RGMA: variants seen among roughly 807,000 people sequenced by gnomAD.
The protein encoded by RGMA is repulsive guidance molecule A.
Under a neutral mutation model 23.2 loss-of-function variants are expected in RGMA, and 10 were observed. The ratio of observed to expected loss-of-function variants is 0.43; its 90% CI spans 0.27 to 0.73. The LOEUF (loss-of-function observed/expected upper bound fraction) is 0.73. Ranked by LOEUF, RGMA falls within the 30% of genes least tolerant of loss-of-function variation. The pLI is 0.20. For synonymous variants in RGMA, 308 were observed against 279.3 expected (o/e 1.10, Z -1.03); for missense variants, 547 against 630.5 (o/e 0.87, Z 1.42).
intron 1 of RGMA, among the ~76,000 whole-genome samples, chr15:93,078,563 C>G (rs927097504): frequency 1.3e-5 from 2 of 152,236 alleles, no homozygotes; most frequent in Non-Finnish European, 2.9e-5. Context: ...TACTTGTTCT[C>G]TCTCTCCATA....
In RGMA at chr15:93,045,829, C is replaced by T; in HGVS notation, c.646-124G>A. On this transcript the variant is annotated intron_variant, in intron 3 of 3. Coordinates refer to ENST00000329082, the MANE Select transcript of RGMA (RefSeq NM_020211.3). The surrounding 1 kb of genome is among the most constrained non-coding windows in gnomAD (Gnocchi z 6.9). ...ATCCCCAGGGATGCCCCAGACACTC[C>T]CTTCTCCAGGTTGGACAGATCAGTT... 1 of 691,282 alleles carries T rather than the reference C, an allele frequency of 1.4e-6. No homozygotes were observed. The highest frequency in any genetic ancestry group is 2.5e-6 in the Non-Finnish European group (1 of 402,742). 42.8% of individuals were successfully genotyped at this position (691,282 alleles called of 1,614,324 possible).
In RGMA at chr15:93,043,136, C is replaced by T. The variant is rs148809629; in HGVS notation, c.*1862G>A. On this transcript the variant is annotated 3_prime_UTR_variant, in exon 4 of 4. Transcript: ENST00000329082. ...CTGTTAAACTGCTGCATCTTCTATC[C>T]GCCTTCACACCATTCTCACGCACAT... is the stretch of plus-strand genomic sequence containing the variant. The T allele has an allele frequency of 1.4e-4, 21 of 152,416 alleles. No homozygotes were observed. The highest frequency in any genetic ancestry group is 4.1e-4 in the African/African-American group (17 of 41,576). The allele number at this position is 152,416 out of a possible 1,614,324, so 9.4% of individuals were successfully genotyped here. A position where few individuals can be genotyped will look rare whatever the true frequency, so the allele number is the denominator to read the frequency against.
In RGMA at chr15:93,045,669, C is replaced by G. The variant is rs1333077215; in HGVS notation, c.682G>C (p.Asp228His). Residue 228 changes from aspartate to histidine, a missense_variant, in exon 4 of 4, where the codon GAC (aspartate) becomes CAC (histidine). Around this residue, in one of 3 missense-constraint regions of RGMA, gnomAD observed 128 missense variants for 191.7 expected, o/e 0.67. Transcript: ENST00000329082. This position sits in a 1 kb window ranked among gnomAD's most constrained non-coding sequence, Gnocchi z 6.9. ...IIFKNFQECV[D>H]QKVYQAEMDE... The stretch of plus-strand genomic sequence containing the variant: ...ATCTCAGCCTGGTACACCTTCTGGT[C>G]CACACACTCCTGGAAGTTCTTGAAG... 1.2e-6 allele frequency: 2 copies of G among 1,607,222 alleles called. No homozygotes were observed. Among genetic ancestry groups the G allele is most frequent in the East Asian group, 4.5e-5 (2 of 44,868 alleles).
chr15:93,085,827 C>G (rs1205876461), intron 1 of RGMA, among the ~76,000 whole-genome samples: 1 of 152,208 alleles, frequency 6.6e-6, no homozygotes, highest in Non-Finnish European at 1.5e-5. Flanking sequence ...CACTTCTACT[C>G]ACAGGACGGA....
At chr15:93,078,524 G>A (rs1895509074) in intron 1 of RGMA, among the ~76,000 whole-genome samples, 1 of 152,194 alleles carries the variant, frequency 6.6e-6, no homozygotes, top group East Asian at 1.9e-4. Flanking sequence ...CCGTCCTGGG[G>A]TCTGGTCATC....
At chr15:93,073,211 G>A (rs2141841638) in intron 1 of RGMA, 180 bp from the exon 2 acceptor site, 1 of 1,176,540 alleles carries the variant, frequency 8.5e-7, no homozygotes, top group Non-Finnish European at 1.1e-6. Flanking sequence ...CCATCACTCG[G>A]TTCTCCGCCA....
chr15:93,062,781 A>G (rs1221425627), intron 2 of RGMA: 1 of 152,292 alleles, frequency 6.6e-6, no homozygotes, highest in Non-Finnish European at 1.5e-5. Context: ...CTTCCCCATC[A>G]GAGTCCCGGG....
intron 1 of RGMA, among the ~76,000 whole-genome samples, chr15:93,077,398 G>A (rs946120400): frequency 8.5e-5 from 13 of 152,230 alleles, no homozygotes; most frequent in Non-Finnish European, 1.8e-4. Context: ...TAGGGGAATA[G>A]CTGGGTTTGT....
At chr15:93,073,653 A>C in intron 1 of RGMA, 1 of 1,537,232 alleles carries the variant, frequency 6.5e-7, no homozygotes, top group Non-Finnish European at 8.7e-7. Context: ...AGGAGGCTGA[A>C]AAACCCACTT....
intron 2 of RGMA, among the ~76,000 whole-genome samples, chr15:93,054,356 T>C (rs537794212): frequency 1.7e-4 from 26 of 152,226 alleles, no homozygotes; most frequent in African/African-American, 5.1e-4. Context: ...GCCCGCTTGA[T>C]ATGGTTCGGC....
intron 2 of RGMA, among the ~76,000 whole-genome samples, chr15:93,066,809 G>A (rs751870920): frequency 6.6e-5 from 10 of 152,114 alleles, no homozygotes; most frequent in Non-Finnish European, 1.2e-4. Context: ...CACCGAGCCT[G>A]GCACCACATG....
At chr15:93,048,784 T>TG (rs1272788263) in intron 3 of RGMA, among the ~76,000 whole-genome samples, 4 of 148,972 alleles carry the variant, frequency 2.7e-5, no homozygotes, top group Non-Finnish European at 5.9e-5. Flanking sequence ...GGAGGCCGCC[T>TG]GGGGGTGCCG....
At chr15:93,047,862 A>G (rs909698160) in intron 3 of RGMA, among the ~76,000 whole-genome samples, 2 of 152,212 alleles carry the variant, frequency 1.3e-5, no homozygotes, top group African/African-American at 4.8e-5. Flanking sequence ...AGAAAGCAAC[A>G]GGAAATAACA....
intron 2 of RGMA, among the ~76,000 whole-genome samples, chr15:93,059,066 C>T (rs528580604): frequency 1.2e-3 from 189 of 152,292 alleles, no homozygotes; most frequent in Middle Eastern, 6.8e-3. Context: ...CAGATGCAAA[C>T]ACGGAGGCTT....
chr15:93,039,181 A>G lies in RGMA; in HGVS notation c.*5817T>C, dbSNP rs1312378971. On this transcript the variant is annotated 3_prime_UTR_variant, in exon 4 of 4. Coordinates refer to ENST00000329082, the MANE Select transcript of RGMA (RefSeq NM_020211.3). ...AGTTCTTCAGCTTTTGGACTCTTGG[A>G]CTTACACTGGTGGTTTGCCAGGGGC... 1.3e-5 allele frequency: 2 copies of G among 151,992 alleles called. No individual in the cohort carries two copies. The highest frequency in any genetic ancestry group is 3.9e-4 in the East Asian group (2 of 5,182). 9.4% of individuals were successfully genotyped at this position (151,992 alleles called of 1,614,324 possible). A position where few individuals can be genotyped will look rare whatever the true frequency, so the allele number is the denominator to read the frequency against.
Position 93,038,056 on chromosome 15 carries a change from C to T in RGMA, c.*6942G>A, listed in dbSNP as rs1452652534. On this transcript the variant is annotated 3_prime_UTR_variant, in exon 4 of 4. Coordinates refer to ENST00000329082, the MANE Select transcript of RGMA (RefSeq NM_020211.3). ...GCCTTCAGGGTTCTGCTACTAACAC[C>T]ATGTCTATATCTTAGGGAGGGAAGG... The T allele has an allele frequency of 6.6e-6, 1 of 152,200 alleles. No individual in the cohort carries two copies. The highest frequency in any genetic ancestry group is 1.5e-5 in the Non-Finnish European group (1 of 68,052). The allele number at this position is 152,200 out of a possible 1,614,324, so 9.4% of individuals were successfully genotyped here. A position where few individuals can be genotyped will look rare whatever the true frequency, so the allele number is the denominator to read the frequency against.
In RGMA at chr15:93,073,580, C is replaced by T. The variant is rs183532918; in HGVS notation, c.15-549G>A. On this transcript the variant is annotated intron_variant, in intron 1 of 3. Coordinates refer to ENST00000329082, the MANE Select transcript of RGMA (RefSeq NM_020211.3). ...CAGCCCTACTTTCCAACCAGACTGC[C>T]GACCCCAAGCTTCCACCGACGCCCC... 3.8e-5 allele frequency: 58 copies of T among 1,534,022 alleles called. No homozygotes were observed. In the African/African-American group the frequency reaches 6.3e-4, roughly 17 times the overall value.
Position 93,042,007 on chromosome 15 carries a change from C to CA in RGMA, c.*2990dup, listed in dbSNP as rs1360306264. 1 of 152,244 alleles carries CA rather than the reference C, an allele frequency of 6.6e-6. No homozygotes were observed. Among genetic ancestry groups the CA allele is most frequent in the Non-Finnish European group, 1.5e-5 (1 of 68,096 alleles). 9.4% of individuals were successfully genotyped at this position (152,244 alleles called of 1,614,324 possible). A position where few individuals can be genotyped will look rare whatever the true frequency, so the allele number is the denominator to read the frequency against. On this transcript the variant is annotated 3_prime_UTR_variant, in exon 4 of 4. Coordinates refer to ENST00000329082, the MANE Select transcript of RGMA (RefSeq NM_020211.3). ...GTGAAACACCATCTCTACTAAAATA[C>CA]AAAAAATTAGCCAGGCGTGGTGGTG...
chr15:93,054,932 G>A (rs185053677), intron 2 of RGMA, among the ~76,000 whole-genome samples: 24 of 151,302 alleles, frequency 1.6e-4, no homozygotes, highest in Non-Finnish European at 2.5e-4. Context: ...CTTCCCTGCC[G>A]CCCCCTGATA....
Sources: allele counts gnomAD v4.1 joint callset (sites outside exome capture counted in the v4.1 genomes callset), GRCh38; gene constraint gnomAD v4.1.1; regional missense constraint gnomAD v4.1.1; non-coding constraint Gnocchi (gnomAD v3.1); transcripts MANE v1.5; gene names NCBI Gene and HGNC (gene_info 2026-07-23, HGNC 2026-07-21).